OPCML: variants seen among roughly 807,000 people sequenced by gnomAD.
OPCML encodes opioid-binding protein/cell adhesion molecule.
Under a neutral mutation model 37.8 loss-of-function variants are expected in OPCML, and 13 were observed. The ratio of observed to expected loss-of-function variants is 0.34; its 90% confidence interval spans 0.22 to 0.55. The LOEUF (loss-of-function observed/expected upper bound fraction) is 0.55, where lower values mean the gene tolerates loss of function less well. Among genes scored for constraint, OPCML ranks in the 20% least tolerant of loss-of-function variants. The pLI, the probability that OPCML is intolerant of heterozygous loss-of-function variation, is 0.91. For synonymous variants in OPCML, 176 were observed against 168.8 expected (o/e 1.04, Z -0.33); for missense variants, 341 against 435.6 (o/e 0.78, Z 1.93).
intron 2 of OPCML, among the ~76,000 whole-genome samples, chr11:132,756,660 C>T (rs1267823645): frequency 1.3e-5 from 2 of 152,048 alleles, no homozygotes; most frequent in Admixed American, 6.6e-5. Context: ...AAAACTATAC[C>T]TCCGAAATGA....
intron 1 of OPCML, among the ~76,000 whole-genome samples, chr11:133,192,642 C>T (rs1037140194): frequency 2.0e-5 from 3 of 152,160 alleles, no homozygotes; most frequent in African/African-American, 4.8e-5. Context: ...TGTTTAATTG[C>T]GGGCAAGTCA....
At chr11:132,940,171 T>C (rs1231933762) in intron 2 of OPCML, among the ~76,000 whole-genome samples, 2 of 152,164 alleles carry the variant, frequency 1.3e-5, no homozygotes, top group Non-Finnish European at 2.9e-5. Flanking sequence ...AAAACTGATA[T>C]CCCAAAGGAG....
chr11:133,529,243 G>A lies in OPCML; in HGVS notation c.61+3021C>T, dbSNP rs142676197. Among the ~76,000 whole-genome samples the A allele has an allele frequency of 1.3e-3, 191 of 152,342 alleles. 1 individual carries two copies. Among genetic ancestry groups the A allele is most frequent in the Non-Finnish European group, 2.0e-3 (139 of 68,038 alleles). ...TGCTTCCGTCTGAGACGAGGACAGG[G>A]ACTCCACATTTTAACCTGCCTCTCT... is the stretch of plus-strand genomic sequence containing the variant. On this transcript the variant is annotated intron_variant, in intron 1 of 7. Transcript: ENST00000524381.
At chr11:133,075,567 G>C (rs1318035380) in intron 1 of OPCML, among the ~76,000 whole-genome samples, 1 of 152,198 alleles carries the variant, frequency 6.6e-6, no homozygotes, top group Non-Finnish European at 1.5e-5. Context: ...TGCACACAGG[G>C]ACAGTTATAC....
At chr11:133,141,035 ACGAC>A (rs1949807771) in intron 1 of OPCML, among the ~76,000 whole-genome samples, 1 of 30,032 alleles carries the variant, frequency 3.3e-5, no homozygotes, top group African/African-American at 6.3e-5. Context: ...GACGACGACG[ACGAC>A]GACGACGACG....
intron 1 of OPCML, among the ~76,000 whole-genome samples, chr11:133,404,012 A>T (rs1368324913): frequency 2.6e-5 from 4 of 152,224 alleles, no homozygotes; most frequent in Non-Finnish European, 5.9e-5. Flanking sequence ...GGAGGCTGGA[A>T]GTTCGAAGCC....
chr11:132,647,429 C>A (rs1941209943), intron 3 of OPCML, among the ~76,000 whole-genome samples: 1 of 152,162 alleles, frequency 6.6e-6, no homozygotes. Flanking sequence ...CTGCAAATAA[C>A]TTTGACTCCC....
chr11:133,167,807 TTCTC>T (rs1050138198), intron 1 of OPCML, among the ~76,000 whole-genome samples: 47 of 152,148 alleles, frequency 3.1e-4, no homozygotes, highest in Admixed American at 2.0e-4. Context: ...TTCTTTCCAG[TTCTC>T]TCTATCTCAA....
At chr11:133,472,991 A>G (rs925554144) in intron 1 of OPCML, among the ~76,000 whole-genome samples, 1 of 151,948 alleles carries the variant, frequency 6.6e-6, no homozygotes, top group African/African-American at 2.4e-5. Context: ...ACATTTTACC[A>G]TTTTACTAAG....
At chr11:133,492,798 T>G (rs1947694418) in intron 1 of OPCML, among the ~76,000 whole-genome samples, 1 of 151,864 alleles carries the variant, frequency 6.6e-6, no homozygotes, top group African/African-American at 2.4e-5. Context: ...TAGTGGCTAA[T>G]GGAAACTTGA....
chr11:132,854,293 C>T (rs1941952786), intron 2 of OPCML, among the ~76,000 whole-genome samples: 1 of 152,212 alleles, frequency 6.6e-6, no homozygotes, highest in African/African-American at 2.4e-5. Context: ...CACCATCCTC[C>T]TGGCATTTGG....
intron 2 of OPCML, among the ~76,000 whole-genome samples, chr11:132,668,665 A>G (rs915192579): frequency 1.2e-4 from 19 of 152,196 alleles, no homozygotes; most frequent in African/African-American, 4.6e-4. Context: ...ATCCGTTCGC[A>G]TATCCTTTTC....
chr11:133,127,030 T>G (rs74507636), intron 1 of OPCML, among the ~76,000 whole-genome samples: 3,674 of 152,232 alleles, frequency 0.024, 146 homozygotes, highest in African/African-American at 0.083. Flanking sequence ...CACTACCTCC[T>G]TTTTCCCATC....
At chr11:133,448,005 A>G (rs1946506174) in intron 1 of OPCML, among the ~76,000 whole-genome samples, 1 of 152,182 alleles carries the variant, frequency 6.6e-6, no homozygotes, top group South Asian at 2.1e-4. Flanking sequence ...CATTTTCTTA[A>G]TGGTGTCTTT....
At chr11:133,267,736 A>T (rs946708143) in intron 1 of OPCML, among the ~76,000 whole-genome samples, 1 of 152,062 alleles carries the variant, frequency 6.6e-6, no homozygotes, top group Non-Finnish European at 1.5e-5. Flanking sequence ...TAATTGAATC[A>T]TGTGGATGGG....
At chr11:133,072,007 C>T (rs1485377762) in intron 1 of OPCML, among the ~76,000 whole-genome samples, 2 of 152,146 alleles carry the variant, frequency 1.3e-5, no homozygotes, top group Admixed American at 1.3e-4. Flanking sequence ...CGGCCCCGTA[C>T]CACCAATTGC....
chr11:133,057,450 G>C (rs12576515), intron 1 of OPCML, among the ~76,000 whole-genome samples: 38,442 of 151,908 alleles, frequency 0.25, 5,290 homozygotes, highest in East Asian at 0.49. Flanking sequence ...GTGCCTTGGA[G>C]ACTCTGCTGT....
At chr11:132,975,188 TAAGA>T (rs1369949728) in intron 1 of OPCML, among the ~76,000 whole-genome samples, 2 of 151,376 alleles carry the variant, frequency 1.3e-5, no homozygotes, top group African/African-American at 2.4e-5. Flanking sequence ...GGATAATAAA[TAAGA>T]AAGAAAGAAA....
At chr11:133,505,470 C>T (rs56174341) in intron 1 of OPCML, among the ~76,000 whole-genome samples, 2 of 152,154 alleles carry the variant, frequency 1.3e-5, no homozygotes, top group African/African-American at 2.4e-5. Flanking sequence ...CCACCAAATG[C>T]ACCTGTCTTC....
Sources: gnomAD v4.1 joint callset for allele counts (sites outside exome capture counted in the v4.1 genomes callset) on GRCh38, gnomAD v4.1.1 for gene constraint, MANE v1.5 for transcripts, NCBI Gene and HGNC (gene_info 2026-07-23, HGNC 2026-07-21) for gene names.